Variants in KLHDC4 observed in about 807,000 individuals in gnomAD.
KLHDC4 encodes the protein kelch domain containing 4.
KLHDC4 carries 90 observed loss-of-function variants against 62.4 expected under a neutral mutation model. The observed-to-expected ratio is 1.44, with a 90% CI of 1.22 to 1.72. KLHDC4 has a LOEUF of 1.72. Ranked by LOEUF, KLHDC4 falls within the 40% of genes most tolerant of loss-of-function variation. KLHDC4 has a pLI of 0.00. For missense variants in KLHDC4, 1,025 were observed against 699.7 expected (o/e 1.47, Z -5.25); for synonymous variants, 386 against 284.4 (o/e 1.36, Z -3.59).
At chr16:87,703,943 C>A (rs553998935), downstream of KLHDC4, among the ~76,000 whole-genome samples, 1 of 152,234 alleles carries the variant, frequency 6.6e-6, no homozygotes, top group South Asian at 2.1e-4. Context: ...TGGCCTCCAG[C>A]GCCCCCGGCC....
chr16:87,765,693 G>A (rs1361436764), intron 1 of KLHDC4, 99 bp downstream of exon 1: 2 of 1,177,220 alleles, frequency 1.7e-6, no homozygotes, highest in East Asian at 2.7e-5. Context: ...GGGCCGGCGC[G>A]GCTCCCACGG....
chr16:87,746,279 G>GAAGA (rs752058713), intron 5 of KLHDC4, among the ~76,000 whole-genome samples: 1 of 151,042 alleles, frequency 6.6e-6, no homozygotes, highest in East Asian at 1.9e-4. Flanking sequence ...CTTGAAGAAG[G>GAAGA]AAGAAAGAAA....
intron 5 of KLHDC4, among the ~76,000 whole-genome samples, chr16:87,736,800 G>A (rs925246906): frequency 9.9e-5 from 15 of 152,090 alleles, no homozygotes; most frequent in African/African-American, 3.6e-4. Flanking sequence ...CAAACTCGTG[G>A]TGCAGATATT....
At chr16:87,762,119 A>G in intron 1 of KLHDC4, 79 bp from the exon 2 acceptor site, 3 of 1,582,214 alleles carry the variant, frequency 1.9e-6, no homozygotes, top group Non-Finnish European at 2.6e-6. Context: ...GCTTTCCTCC[A>G]ATCAGTGTGA....
intron 6 of KLHDC4, among the ~76,000 whole-genome samples, chr16:87,728,482 T>C (rs2039768075): frequency 1.3e-5 from 2 of 148,874 alleles, no homozygotes; most frequent in Admixed American, 6.7e-5. Flanking sequence ...TTAAACAAGA[T>C]AACAACAGCT....
intron 2 of KLHDC4, among the ~76,000 whole-genome samples, chr16:87,758,774 C>G (rs756980986): frequency 1.1e-4 from 16 of 152,192 alleles, no homozygotes; most frequent in Non-Finnish European, 2.2e-4. Context: ...CAAGGTTGGT[C>G]TAGAGTTTCT....
chr16:87,733,768 C>G (rs1246537847), intron 5 of KLHDC4, among the ~76,000 whole-genome samples: 1 of 150,720 alleles, frequency 6.6e-6, no homozygotes, highest in Non-Finnish European at 1.5e-5. Context: ...AATCCACTCC[C>G]TGGGATCCTC....
intron 5 of KLHDC4, among the ~76,000 whole-genome samples, chr16:87,731,793 G>A (rs1416117103): frequency 2.6e-5 from 4 of 152,182 alleles, no homozygotes; most frequent in Non-Finnish European, 5.9e-5. Context: ...ACCAGCAGCC[G>A]AGCTGTCCCT....
intron 5 of KLHDC4, among the ~76,000 whole-genome samples, chr16:87,741,544 C>T (rs1469654885): frequency 6.6e-6 from 1 of 152,206 alleles, no homozygotes; most frequent in Non-Finnish European, 1.5e-5. Context: ...CAGTTTCATC[C>T]TGAAACCGTC....
exon 1 of KLHDC4, chr16:87,702,053 C>A (rs1247457070): frequency 2.2e-6 from 1 of 456,198 alleles, no homozygotes; most frequent in East Asian, 6.9e-5. Context: ...TCCCTGGTGA[C>A]CCCAGGCTGC....
chr16:87,735,659 T>A (rs568576463), intron 5 of KLHDC4, among the ~76,000 whole-genome samples: 2 of 152,354 alleles, frequency 1.3e-5, no homozygotes, highest in East Asian at 3.9e-4. Flanking sequence ...AAAGCTACTT[T>A]AAAAAGCCCA....
chr16:87,715,686 G>C (rs1445141824), intron 7 of KLHDC4, among the ~76,000 whole-genome samples: 1 of 152,116 alleles, frequency 6.6e-6, no homozygotes, highest in Non-Finnish European at 1.5e-5. Flanking sequence ...CGATCCCCGG[G>C]GTGAAGTGCC....
exon 1 of KLHDC4, chr16:87,698,517 T>G (rs2033997577): frequency 6.6e-6 from 1 of 152,248 alleles, no homozygotes; most frequent in South Asian, 2.1e-4. Flanking sequence ...CAGGTGTCCC[T>G]GAGCGAAGTT....
downstream of KLHDC4, among the ~76,000 whole-genome samples, chr16:87,704,647 C>T (rs75398016): frequency 0.018 from 2,708 of 152,128 alleles, 89 homozygotes; most frequent in African/African-American, 0.062. Context: ...CAACGGGCAT[C>T]TTGGTATTTG....
intron 5 of KLHDC4, among the ~76,000 whole-genome samples, chr16:87,738,620 C>T (rs931532593): frequency 2.3e-5 from 3 of 128,690 alleles, no homozygotes; most frequent in African/African-American, 8.8e-5. Flanking sequence ...GCACCTCATC[C>T]ATCCACACAC....
chr16:87,707,669 T>A (rs1379579549), downstream of KLHDC4: 3 of 197,324 alleles, frequency 1.5e-5, no homozygotes, highest in South Asian at 1.6e-4. Context: ...CACAGAAACC[T>A]GCTTCTCGAG....
chr16:87,741,620 G>A (rs1272552503), intron 5 of KLHDC4, among the ~76,000 whole-genome samples: 2 of 143,410 alleles, frequency 1.4e-5, no homozygotes, highest in African/African-American at 2.6e-5. Context: ...CGAAAAGGGT[G>A]GGGACCATTG....
chr16:87,739,520 C>T lies in KLHDC4; in HGVS notation c.507-8876G>A, dbSNP rs112358017. 9.3e-3 allele frequency among the ~76,000 whole-genome samples: 1,384 copies of T among 149,572 alleles called. 17 individuals are homozygous for T. The highest frequency in any genetic ancestry group is 0.033 in the African/African-American group (1,314 of 39,958). On this transcript the variant is annotated intron_variant, in intron 5 of 11. Transcript: ENST00000270583. ...TCCACACACCAGCACCTCATCCACA[C>T]ACCAGCATCTCATCCATCCACACAC...
intron 5 of KLHDC4, among the ~76,000 whole-genome samples, chr16:87,745,997 C>T (rs1296081901): frequency 3.9e-5 from 6 of 152,138 alleles, no homozygotes; most frequent in Non-Finnish European, 7.3e-5. Flanking sequence ...GGCACAGTGG[C>T]TCACACCTAT....
Sources: allele counts gnomAD v4.1 joint callset (sites outside exome capture counted in the v4.1 genomes callset), GRCh38; gene constraint gnomAD v4.1.1; transcripts MANE v1.5; gene names NCBI Gene and HGNC (gene_info 2026-07-23, HGNC 2026-07-21).